The following RPS6KA5 variants were observed in gnomAD, a reference collection of about 807,000 sequenced individuals.
The protein encoded by RPS6KA5 is ribosomal protein S6 kinase alpha-5.
Under a neutral mutation model 85.5 loss-of-function variants are expected in RPS6KA5, and 27 were observed. That is an observed-to-expected ratio of 0.32 (90% CI 0.23 to 0.44). The LOEUF is 0.44. RPS6KA5 is among the 20% of genes least tolerant of loss of function. The pLI is 1.00. For missense variants in RPS6KA5, 811 were observed against 980.9 expected, an observed-to-expected ratio of 0.83 and a Z score of 2.31; for synonymous variants, 334 against 348.2, an observed-to-expected ratio of 0.96 and a Z score of 0.46.
intron 3 of RPS6KA5, among the ~76,000 whole-genome samples, chr14:90,965,638 G>C (rs1295187876): frequency 6.6e-6 from 1 of 152,090 alleles, no homozygotes; most frequent in Non-Finnish European, 1.5e-5. Context: ...GCTCTGCTGA[G>C]ACTGACAGCA....
At chr14:90,904,166 GTC>G (rs578083140) in intron 8 of RPS6KA5, among the ~76,000 whole-genome samples, 506 of 152,226 alleles carry the variant, frequency 3.3e-3, no homozygotes, top group Non-Finnish European at 6.0e-3. Context: ...AGCCAGGATG[GTC>G]TCGATCTCCT....
At chr14:90,990,805 T>C (rs1466832394) in intron 2 of RPS6KA5, among the ~76,000 whole-genome samples, 3 of 152,194 alleles carry the variant, frequency 2.0e-5, no homozygotes, top group Non-Finnish European at 4.4e-5. Flanking sequence ...TGATCTCACT[T>C]ATAAGTGGGA....
chr14:91,060,533 G>C lies in RPS6KA5; in HGVS notation c.-99C>G. The C allele has an allele frequency of 8.2e-7, 1 of 1,224,312 alleles. No homozygotes were observed. Among genetic ancestry groups the C allele is most frequent in the Non-Finnish European group, 1.0e-6 (1 of 974,908 alleles). The allele number at this position is 1,224,312 out of a possible 1,614,324, so 75.8% of individuals were successfully genotyped here. A position where few individuals can be genotyped will look rare whatever the true frequency, so the allele number is the denominator to read the frequency against. On this transcript the variant is annotated 5_prime_UTR_variant, in exon 1 of 17. Transcript: ENST00000614987. ...AGCCGCTGCCGCGGCCCCAGGAGTC[G>C]GGGTGCGGCGGCTCCAGAACTCGGA...
intron 3 of RPS6KA5, among the ~76,000 whole-genome samples, chr14:90,952,651 G>A (rs1311589001): frequency 6.6e-6 from 1 of 152,240 alleles, no homozygotes; most frequent in Non-Finnish European, 1.5e-5. Flanking sequence ...CTGTTATTTG[G>A]CTTGGGGATC....
intron 1 of RPS6KA5, among the ~76,000 whole-genome samples, chr14:91,003,739 C>G (rs2040881450): frequency 6.6e-6 from 1 of 152,182 alleles, no homozygotes; most frequent in Non-Finnish European, 1.5e-5. Flanking sequence ...TAAGGCAGAG[C>G]TCTTCTTTCT....
intron 5 of RPS6KA5, among the ~76,000 whole-genome samples, chr14:90,933,709 AG>A (rs971835013): frequency 6.6e-6 from 1 of 152,184 alleles, no homozygotes; most frequent in African/African-American, 2.4e-5. Context: ...CATTTTGTGC[AG>A]GGAAGAAGCC....
intron 1 of RPS6KA5, 123 bp from the exon 2 acceptor site, chr14:91,001,282 T>G (rs951506476): frequency 9.0e-5 from 56 of 621,064 alleles, no homozygotes; most frequent in Middle Eastern, 2.5e-4. Flanking sequence ...GGGTTTGCTT[T>G]ATAATTATTT....
At chr14:90,873,594 C>T in intron 16 of RPS6KA5, 38 bp downstream of exon 16, 1 of 1,549,144 alleles carries the variant, frequency 6.5e-7, no homozygotes, top group Non-Finnish European at 8.8e-7. Context: ...ATGATTCCTA[C>T]TCAAACCGCC....
intron 1 of RPS6KA5, among the ~76,000 whole-genome samples, chr14:91,057,119 T>C (rs2043357195): frequency 6.6e-6 from 1 of 151,812 alleles, no homozygotes. Context: ...GACCTCGTGA[T>C]CCACCCGCCT....
chr14:90,995,381 T>C (rs535559739), intron 2 of RPS6KA5, among the ~76,000 whole-genome samples: 10 of 152,344 alleles, frequency 6.6e-5, no homozygotes, highest in African/African-American at 2.2e-4. Context: ...CGGAAGGCTT[T>C]TACTGCTTAT....
rs1418051069 is a variant in RPS6KA5 at position 90,948,558 on chromosome 14, G to A, written c.395-1008C>T. Among the ~76,000 whole-genome samples the A allele has an allele frequency of 2.0e-5, 3 of 152,078 alleles. No homozygotes were observed. The East Asian group carries it at 5.8e-4, about 29-fold the overall frequency. On this transcript the variant is annotated intron_variant, in intron 3 of 16. Coordinates refer to ENST00000614987, the MANE Select transcript of RPS6KA5 (RefSeq NM_004755.4). ...AAAAATACAAAAATTAATCGGGCGT[G>A]GTGGCAGTTGCCTGTAGTCCCAGCT...
At chr14:91,055,900 A>G (rs1481910208) in intron 1 of RPS6KA5, among the ~76,000 whole-genome samples, 1 of 152,218 alleles carries the variant, frequency 6.6e-6, no homozygotes, top group Non-Finnish European at 1.5e-5. Context: ...AGAGGCCCAC[A>G]TGGCAAGGAA....
At chr14:90,898,265 T>A (rs2034953271) in intron 12 of RPS6KA5, among the ~76,000 whole-genome samples, 1 of 152,182 alleles carries the variant, frequency 6.6e-6, no homozygotes, top group South Asian at 2.1e-4. Context: ...AAGGACTGAA[T>A]AAGACAATAC....
At chr14:90,924,562 A>C (rs191864110) in intron 5 of RPS6KA5, among the ~76,000 whole-genome samples, 183 of 152,262 alleles carry the variant, frequency 1.2e-3, no homozygotes, top group African/African-American at 4.4e-3. Context: ...TCAAGTAACA[A>C]TTTTCTCAAG....
Position 90,911,621 on chromosome 14 carries a change from C to CAATAGTA in RPS6KA5, c.807-5329_807-5323dup, listed in dbSNP as rs1173221188. ...TGAAACATATTATGGTGTATCCACT[C>CAATAGTA]AATAGTACATTAAGCAGCCATTACA... On this transcript the variant is annotated intron_variant, in intron 7 of 16. Transcript: ENST00000614987. 9.2e-5 allele frequency among the ~76,000 whole-genome samples: 14 copies of CAATAGTA among 152,210 alleles called. No homozygotes were observed. In the South Asian group the frequency reaches 2.3e-3, roughly 25 times the overall value.
intron 14 of RPS6KA5, 44 bp downstream of exon 14, chr14:90,890,443 C>A: frequency 6.7e-7 from 1 of 1,503,116 alleles, no homozygotes; most frequent in Non-Finnish European, 9.0e-7. Context: ...GAGAGGACAC[C>A]AAAGAAATAA....
chr14:91,057,633 G>C (rs903028834), intron 1 of RPS6KA5, among the ~76,000 whole-genome samples: 4 of 152,160 alleles, frequency 2.6e-5, no homozygotes, highest in African/African-American at 9.7e-5. Flanking sequence ...TACAGAAAAA[G>C]ATAACAGCCA....
intron 1 of RPS6KA5, among the ~76,000 whole-genome samples, chr14:91,050,378 CA>C (rs2043025021): frequency 6.6e-6 from 1 of 152,034 alleles, no homozygotes; most frequent in African/African-American, 2.4e-5. Context: ...ACCTTATCTT[CA>C]AAAATAACAA....
chr14:91,005,628 T>C (rs1444815574), intron 1 of RPS6KA5, among the ~76,000 whole-genome samples: 2 of 152,212 alleles, frequency 1.3e-5, no homozygotes, highest in Non-Finnish European at 2.9e-5. Flanking sequence ...AAAAAACACA[T>C]ATTTGAGCAT....
Sources: gnomAD v4.1 joint callset for allele counts (sites outside exome capture counted in the v4.1 genomes callset) on GRCh38, gnomAD v4.1.1 for gene constraint, MANE v1.5 for transcripts, NCBI Gene and HGNC (gene_info 2026-07-23, HGNC 2026-07-21) for gene names.